The following PRR16 variants were observed in gnomAD, a reference collection of about 807,000 sequenced individuals.
The protein encoded by PRR16 is proline rich 16.
PRR16 carries 6 observed loss-of-function variants against 18.2 expected under a neutral mutation model. The observed-to-expected ratio is 0.33, with a 90% confidence interval of 0.18 to 0.65. The LOEUF (loss-of-function observed/expected upper bound fraction) is 0.65, where lower values mean the gene tolerates loss of function less well. Among genes scored for constraint, PRR16 ranks in the 30% least tolerant of loss-of-function variants. PRR16 has a pLI of 0.74. For synonymous variants in PRR16, 151 were observed against 147.8 expected (o/e 1.02, Z -0.16); for missense variants, 412 against 376.6 (o/e 1.09, Z -0.78).
intron 1 of PRR16, among the ~76,000 whole-genome samples, chr5:120,497,842 C>G (rs867503150): frequency 7.3e-4 from 110 of 150,902 alleles, no homozygotes; most frequent in African/African-American, 2.6e-3. Context: ...TGAAATTTAC[C>G]TGCTCTAATA....
At chr5:120,571,693 T>C (rs1466181575) in intron 1 of PRR16, among the ~76,000 whole-genome samples, 1 of 152,182 alleles carries the variant, frequency 6.6e-6, no homozygotes, top group African/African-American at 2.4e-5. Context: ...GAGTATGAGC[T>C]GGTTATCTAT....
At chr5:120,573,429 C>T (rs1176850055) in intron 1 of PRR16, among the ~76,000 whole-genome samples, 8 of 152,218 alleles carry the variant, frequency 5.3e-5, no homozygotes. Context: ...TAGTTCACAC[C>T]ATTATCTGTT....
chr5:120,464,774 G>A lies in PRR16; in HGVS notation c.159+129G>A, dbSNP rs761336746. 1.2e-4 allele frequency: 125 copies of A among 1,014,190 alleles called. 1 individual carries two copies. The highest frequency in any genetic ancestry group is 1.5e-4 in the Non-Finnish European group (111 of 730,342). 62.8% of individuals were successfully genotyped at this position (1,014,190 alleles called of 1,614,324 possible). A position where few individuals can be genotyped will look rare whatever the true frequency, so the allele number is the denominator to read the frequency against. On this transcript the variant is annotated intron_variant, in intron 1 of 1. Transcript: ENST00000407149. ...AACTACAGAAAAGGCGCCTGCAGACGGACTTTCTTTGCTCCTGGAGTCCTG... is the reference window on the plus strand; with the variant it reads ...AACTACAGAAAAGGCGCCTGCAGACAGACTTTCTTTGCTCCTGGAGTCCTG...
the PRR16 span, among the ~76,000 whole-genome samples, chr5:120,695,960 C>T: frequency 2.0e-5 from 3 of 151,448 alleles, no homozygotes; most frequent in South Asian, 4.2e-4. Flanking sequence ...TATATAAAAC[C>T]GGCCATGCAC....
At chr5:120,665,417 C>T (rs1022618162) in intron 1 of PRR16, among the ~76,000 whole-genome samples, 1 of 151,866 alleles carries the variant, frequency 6.6e-6, no homozygotes, top group African/African-American at 2.4e-5. Flanking sequence ...TGCCTGTTCA[C>T]TCTGATGGTA....
intron 1 of PRR16, among the ~76,000 whole-genome samples, chr5:120,503,274 C>T (rs989030054): frequency 6.6e-6 from 1 of 152,004 alleles, no homozygotes; most frequent in Non-Finnish European, 1.5e-5. Flanking sequence ...AAAATATTTA[C>T]TTAAAAAGGG....
intron 1 of PRR16, among the ~76,000 whole-genome samples, chr5:120,517,324 A>G (rs1250252628): frequency 1.3e-5 from 2 of 152,132 alleles, no homozygotes; most frequent in Non-Finnish European, 2.9e-5. Context: ...CTTGAAGCAG[A>G]ATTCTGCTCT....
chr5:120,559,445 T>G (rs1431769149), intron 1 of PRR16, among the ~76,000 whole-genome samples: 1 of 151,922 alleles, frequency 6.6e-6, no homozygotes, highest in African/African-American at 2.4e-5. Context: ...TTGGTACCTT[T>G]GTTGAAAATG....
the PRR16 span, among the ~76,000 whole-genome samples, chr5:120,782,676 G>A: frequency 6.6e-6 from 1 of 152,092 alleles, no homozygotes; most frequent in Non-Finnish European, 1.5e-5. Context: ...GCATTAAGTG[G>A]TACATCTAGA....
At chr5:120,791,189 T>G in the PRR16 span, among the ~76,000 whole-genome samples, 1 of 152,148 alleles carries the variant, frequency 6.6e-6, no homozygotes, top group Non-Finnish European at 1.5e-5. Flanking sequence ...TTATTTGATT[T>G]GGTTTTCATT....
intron 1 of PRR16, among the ~76,000 whole-genome samples, chr5:120,610,230 T>A (rs1289030437): frequency 6.6e-6 from 1 of 152,084 alleles, no homozygotes; most frequent in Non-Finnish European, 1.5e-5. Context: ...ATATTCTCTA[T>A]CAATACTGTA....
intron 1 of PRR16, among the ~76,000 whole-genome samples, chr5:120,485,897 A>T (rs922914005): frequency 6.6e-6 from 1 of 151,900 alleles, no homozygotes; most frequent in Non-Finnish European, 1.5e-5. Context: ...AGAACATGCG[A>T]CATTTGGTTT....
chr5:120,606,010 C>A (rs538066211), intron 1 of PRR16, among the ~76,000 whole-genome samples: 1 of 152,146 alleles, frequency 6.6e-6, no homozygotes, highest in Non-Finnish European at 1.5e-5. Context: ...CCAACAGAGG[C>A]AGGGGGGATG....
the PRR16 span, among the ~76,000 whole-genome samples, chr5:120,708,194 A>G: frequency 1.3e-5 from 2 of 152,270 alleles, no homozygotes; most frequent in South Asian, 4.1e-4. Flanking sequence ...AGGGTTGTAC[A>G]TTTGCCTTGG....
the PRR16 span, among the ~76,000 whole-genome samples, chr5:120,702,155 G>A: frequency 6.6e-6 from 1 of 151,900 alleles, no homozygotes; most frequent in Non-Finnish European, 1.5e-5. Context: ...CCAGAAAAGT[G>A]GGAAAAGGGG....
At chr5:120,748,910 A>G in the PRR16 span, among the ~76,000 whole-genome samples, 1 of 152,170 alleles carries the variant, frequency 6.6e-6, no homozygotes, top group Non-Finnish European at 1.5e-5. Flanking sequence ...AAATGGAATC[A>G]GAGTGATATT....
intron 1 of PRR16, among the ~76,000 whole-genome samples, chr5:120,481,556 A>C (rs1749619041): frequency 6.6e-6 from 1 of 152,218 alleles, no homozygotes; most frequent in Non-Finnish European, 1.5e-5. Flanking sequence ...TTTTTGAAAA[A>C]TAATACTGTA....
chr5:120,527,640 C>G (rs903782987), intron 1 of PRR16, among the ~76,000 whole-genome samples: 1 of 152,208 alleles, frequency 6.6e-6, no homozygotes, highest in African/African-American at 2.4e-5. Context: ...TGGGAATATG[C>G]ATGGGTTCCT....
chr5:120,766,321 T>TTTTAA, the PRR16 span, among the ~76,000 whole-genome samples: 1 of 152,012 alleles, frequency 6.6e-6, no homozygotes, highest in African/African-American at 2.4e-5. Context: ...CATGTTGTGG[T>TTTTAA]TTTAATTTTC....
Sources: allele counts gnomAD v4.1 joint callset (sites outside exome capture counted in the v4.1 genomes callset), GRCh38; gene constraint gnomAD v4.1.1; transcripts MANE v1.5; gene names NCBI Gene and HGNC (gene_info 2026-07-23, HGNC 2026-07-21).